GAB3: variants seen among roughly 807,000 people sequenced by gnomAD.
GAB3 encodes the protein GRB2 associated binding protein 3.
A neutral mutation model predicts 40.4 loss-of-function variants in GAB3; 12 were observed. That is an observed-to-expected ratio of 0.30 (90% CI 0.19 to 0.48). The LOEUF is 0.48. Ranked by LOEUF, GAB3 falls within the 20% of genes least tolerant of loss-of-function variation. GAB3 has a pLI of 0.99. For missense variants in GAB3, 381 were observed against 461.9 expected (o/e 0.82, Z 1.61); for synonymous variants, 154 against 176.7 (o/e 0.87, Z 1.02).
Position 154,678,047 on chromosome X carries a change from C to T in GAB3, c.*131G>A. 2.3e-6 allele frequency: 1 copy of T among 438,140 alleles called. No individual in the cohort carries two copies. Among genetic ancestry groups the T allele is most frequent in the Admixed American group, 3.7e-5 (1 of 27,310 alleles). 36.1% of individuals were successfully genotyped at this position (438,140 alleles called of 1,213,427 possible). On this transcript the variant is annotated 3_prime_UTR_variant, in exon 10 of 10. Coordinates refer to ENST00000424127, the MANE Select transcript of GAB3 (RefSeq NM_001081573.3). ...GTTCTGGCCAAGACCTTGAAAACTA[C>T]ACATTCTCTCTTGGTTTTGACCTGT...
chrX:154,692,186 C>A (rs1192435596), intron 8 of GAB3, among the ~76,000 whole-genome samples: 1 of 111,599 alleles, frequency 9.0e-6, no homozygotes, highest in Non-Finnish European at 1.9e-5. Context: ...TAAAAAACTT[C>A]TGCGCATCAA....
chrX:154,712,693 G>A lies in GAB3; in HGVS notation c.605C>T (p.Thr202Ile). 1 of 1,107,034 alleles carries A rather than the reference G, an allele frequency of 9.0e-7. No homozygotes were observed. The highest frequency in any genetic ancestry group is 1.2e-6 in the Non-Finnish European group (1 of 838,771). 91.2% of individuals were successfully genotyped at this position (1,107,034 alleles called of 1,213,427 possible). A position where few individuals can be genotyped will look rare whatever the true frequency, so the allele number is the denominator to read the frequency against. Residue 202 changes from threonine to isoleucine, a missense_variant, in exon 4 of 10, where the codon ACC becomes ATC. By Grantham distance (89) the Thr-to-Ile change is moderately conservative. Transcript: ENST00000424127. The stretch of plus-strand genomic sequence containing the variant: ...TGAGTTTGACCAGCTATCACATCTG[G>A]TGGGTAGACTGGGGAAGAAAAGCAT... Reference protein sequence around the residue: ...TGRLHHTSLPTRCDSWSNSDR... With the variant: ...TGRLHHTSLPIRCDSWSNSDR...
Position 154,713,360 on chromosome X carries a change from A to C in GAB3, c.443T>G (p.Leu148Arg). Reference protein sequence around the residue: ...SLQPSSASSLLTAHAASSSLP... With the variant: ...SLQPSSASSLRTAHAASSSLP... ...AGAGGAGCTGGCAGCATGGGCGGTA[A>C]GAAGGGAGCTGGCAGAGGATGGCTG... The change falls in exon 3 of 10, where the codon CTT becomes CGT. Residue 148 changes from leucine to arginine, a missense_variant. Physicochemically the swap from Leu to Arg is moderately radical, Grantham distance 102 (BLOSUM62 -2). Coordinates refer to ENST00000424127, the MANE Select transcript of GAB3 (RefSeq NM_001081573.3). 1 of 1,210,516 alleles carries C rather than the reference A, an allele frequency of 8.3e-7. No homozygotes were observed. The highest frequency in any genetic ancestry group is 1.1e-6 in the Non-Finnish European group (1 of 895,304).
chrX:154,707,521 A>G (rs1045101034), intron 4 of GAB3, among the ~76,000 whole-genome samples: 15 of 112,282 alleles, frequency 1.3e-4, no homozygotes, highest in Middle Eastern at 4.2e-3. Flanking sequence ...TTTAGAAAAT[A>G]ACAGTTAGCA....
intron 8 of GAB3, among the ~76,000 whole-genome samples, chrX:154,687,390 G>A (rs1255247802): frequency 1.1e-4 from 12 of 110,296 alleles, no homozygotes; most frequent in African/African-American, 4.0e-4. Flanking sequence ...CCAGCACTTT[G>A]GGAGGCTGAG....
intron 4 of GAB3, among the ~76,000 whole-genome samples, chrX:154,710,969 G>A (rs2070934490): frequency 9.0e-6 from 1 of 111,613 alleles, no homozygotes; most frequent in African/African-American, 3.3e-5. Context: ...TTTGTCAACT[G>A]TTCACACATG....
intron 1 of GAB3, among the ~76,000 whole-genome samples, chrX:154,717,283 C>G (rs1360360287): frequency 2.7e-5 from 3 of 110,921 alleles, no homozygotes; most frequent in Non-Finnish European, 5.7e-5. Context: ...CATTCACCCC[C>G]TAAGTCACAG....
intron 4 of GAB3, among the ~76,000 whole-genome samples, chrX:154,704,824 T>C (rs2070784404): frequency 9.0e-6 from 1 of 111,392 alleles, no homozygotes; most frequent in Admixed American, 9.5e-5. Context: ...ATTAACAAAT[T>C]TGAAAACCCA....
In GAB3 at chrX:154,729,736, T is replaced by C. The variant is rs1017734399; in HGVS notation, c.73-13407A>G. Among the ~76,000 whole-genome samples, 4 of 111,802 alleles carry C rather than the reference T, an allele frequency of 3.6e-5. No individual in the cohort carries two copies. The South Asian group carries it at 1.1e-3, about 31-fold the overall frequency. On this transcript the variant is annotated intron_variant, in intron 1 of 9. Transcript: ENST00000424127. The stretch of plus-strand genomic sequence containing the variant: ...TCTTTCTCCTACAAGTTTTTATCAA[T>C]TGACATTCCTAATCTCGTGCAGTGG...
At chrX:154,704,244 C>A (rs1305363560) in intron 4 of GAB3, among the ~76,000 whole-genome samples, 1 of 100,975 alleles carries the variant, frequency 9.9e-6, no homozygotes, top group Non-Finnish European at 2.0e-5. Flanking sequence ...TTGCCAGAGG[C>A]TGGGAAAGGT....
intron 5 of GAB3, 53 bp from the exon 6 acceptor site, chrX:154,699,566 T>C: frequency 4.8e-6 from 5 of 1,042,223 alleles, no homozygotes; most frequent in Non-Finnish European, 6.6e-6. Context: ...TGGAAACTGC[T>C]ATCAGAGGGC....
At chrX:154,744,212 C>CAAAAAAAAAAAA (rs56796528) in intron 1 of GAB3, among the ~76,000 whole-genome samples, 1 of 30,574 alleles carries the variant, frequency 3.3e-5, no homozygotes, top group Non-Finnish European at 4.4e-5. Context: ...GATTCCATCT[C>CAAAAAAAAAAAA]AAAAAAAAAA....
chrX:154,708,723 A>G (rs1557254423), intron 4 of GAB3, among the ~76,000 whole-genome samples: 2 of 111,943 alleles, frequency 1.8e-5, no homozygotes. Context: ...AGTGTTGGAG[A>G]GCATGTAGAG....
At chrX:154,751,473 G>A, upstream of GAB3, 1 of 745,947 alleles carries the variant, frequency 1.3e-6, no homozygotes, top group Non-Finnish European at 1.6e-6. Context: ...GGACCCTGGA[G>A]CTGAAACCCA....
At chrX:154,744,509 T>C (rs184815572) in intron 1 of GAB3, among the ~76,000 whole-genome samples, 128 of 111,918 alleles carry the variant, frequency 1.1e-3, no homozygotes, top group Middle Eastern at 9.3e-3. Context: ...TAACTAGAAA[T>C]GGAGCATCAA....
chrX:154,696,452 TCA>T (rs1557250784), intron 7 of GAB3, among the ~76,000 whole-genome samples: 1 of 110,903 alleles, frequency 9.0e-6, no homozygotes, highest in Non-Finnish European at 1.9e-5. Context: ...ATGAGCTGAG[TCA>T]CAGTCTTGGC....
rs1049038655 is a variant in GAB3 at position 154,680,304 on chromosome X, G to A, written c.1531-56C>T. ...ATGATGTCTATCTTGGTTGCTCAAG[G>A]GAAGGAGGGCAAGTTGTGGCTTCAC... On this transcript the variant is annotated intron_variant, in intron 8 of 9. Coordinates refer to ENST00000424127, the MANE Select transcript of GAB3 (RefSeq NM_001081573.3). The A allele has an allele frequency of 9.4e-6, 8 of 851,523 alleles. No individual in the cohort carries two copies. The African/African-American group carries it at 1.6e-4, about 17-fold the overall frequency. The allele number at this position is 851,523 out of a possible 1,213,427, so 70.2% of individuals were successfully genotyped here.
chrX:154,691,210 T>G (rs782435173), intron 8 of GAB3, among the ~76,000 whole-genome samples: 1 of 93,838 alleles, frequency 1.1e-5, no homozygotes, highest in Non-Finnish European at 2.0e-5. Flanking sequence ...TAGATGGGAA[T>G]TGAACAATGA....
intron 1 of GAB3, among the ~76,000 whole-genome samples, chrX:154,723,398 T>C (rs1182583447): frequency 9.0e-6 from 1 of 111,275 alleles, no homozygotes; most frequent in African/African-American, 3.3e-5. Context: ...AACTACCAGA[T>C]GTGAGGAGAG....
Sources: gnomAD v4.1 joint callset for allele counts (sites outside exome capture counted in the v4.1 genomes callset) on GRCh38, gnomAD v4.1.1 for gene constraint, MANE v1.5 for transcripts, NCBI Gene and HGNC (gene_info 2026-07-23, HGNC 2026-07-21) for gene names.